The following ITGB3BP variants were observed in gnomAD, a reference collection of about 807,000 sequenced individuals.
The protein encoded by ITGB3BP is centromere protein R.
ITGB3BP carries 27 observed loss-of-function variants against 29.1 expected under a neutral mutation model. That is an observed-to-expected ratio of 0.93 (90% CI 0.68 to 1.28). The LOEUF is 1.28. Among genes scored for constraint, ITGB3BP ranks in the 50% most tolerant of loss-of-function variants. The pLI, the probability that ITGB3BP is intolerant of heterozygous loss-of-function variation, is 0.00. For missense variants in ITGB3BP, 192 were observed against 200.2 expected (o/e 0.96, Z 0.25); for synonymous variants, 61 against 61.4 (o/e 0.99, Z 0.03).
intron 1 of ITGB3BP, among the ~76,000 whole-genome samples, chr1:63,511,569 ATG>A (rs1471243170): frequency 6.6e-6 from 1 of 152,164 alleles, no homozygotes; most frequent in Non-Finnish European, 1.5e-5. Flanking sequence ...GATAAACAAA[ATG>A]TGATATATAT....
intron 4 of ITGB3BP, among the ~76,000 whole-genome samples, chr1:63,463,938 T>C (rs973739430): frequency 6.6e-6 from 1 of 152,148 alleles, no homozygotes; most frequent in Admixed American, 6.5e-5. Context: ...ACATATGGTG[T>C]GCCACCTTAT....
chr1:63,520,234 T>C (rs1306210220), intron 1 of ITGB3BP, among the ~76,000 whole-genome samples: 1 of 152,176 alleles, frequency 6.6e-6, no homozygotes, highest in Non-Finnish European at 1.5e-5. Context: ...AATAAATACT[T>C]ATTGAGCAAC....
rs778923798 is a variant in ITGB3BP, at chr1:63,454,518, G to A, written c.334-45C>T. 5.7e-6 allele frequency: 5 copies of A among 879,508 alleles called. No homozygotes were observed. Among genetic ancestry groups the A allele is most frequent in the South Asian group, 3.3e-5 (2 of 60,298 alleles). 54.5% of individuals were successfully genotyped at this position (879,508 alleles called of 1,614,324 possible). A position where few individuals can be genotyped will look rare whatever the true frequency, so the allele number is the denominator to read the frequency against. On this transcript the variant is annotated intron_variant, in intron 5 of 8. Transcript: ENST00000271002. The surrounding 1 kb of genome is among the most constrained non-coding windows in gnomAD (Gnocchi z 4.1). ...AATGAGTTAAGTTCTCTACACACAT[G>A]AGATTACTGACATGTCTAGTGAAAA...
chr1:63,490,064 A>G lies in ITGB3BP; in HGVS notation c.184+19T>C. ...ACTAGAAAAACCTTACAATAAGTAG[A>G]AAAGAATGTTCAACTAACCATTTGA... On this transcript the variant is annotated intron_variant, in intron 3 of 8. Transcript: ENST00000271002. 1 of 1,603,354 alleles carries G rather than the reference A, an allele frequency of 6.2e-7. No individual in the cohort carries two copies. Among genetic ancestry groups the G allele is most frequent in the South Asian group, 1.1e-5 (1 of 88,778 alleles).
At chr1:63,475,836 A>G (rs1304046368) in intron 4 of ITGB3BP, among the ~76,000 whole-genome samples, 4 of 151,834 alleles carry the variant, frequency 2.6e-5, no homozygotes, top group African/African-American at 7.2e-5. Context: ...GGTCTCTACT[A>G]AAAATACAAA....
intron 3 of ITGB3BP, among the ~76,000 whole-genome samples, chr1:63,483,242 C>T (rs1176443208): frequency 6.6e-6 from 1 of 151,988 alleles, no homozygotes; most frequent in African/African-American, 2.4e-5. Flanking sequence ...TATTTAAAAG[C>T]TGAAAAGTAT....
In ITGB3BP at chr1:63,493,678, AT is replaced by A. The variant is rs371463049; in HGVS notation, c.49-3461del. Among the ~76,000 whole-genome samples the A allele has an allele frequency of 1.2e-4, 18 of 152,238 alleles. No homozygotes were observed. In the South Asian group the frequency reaches 3.3e-3, roughly 28 times the overall value. On this transcript the variant is annotated intron_variant, in intron 2 of 8. Coordinates refer to ENST00000271002, the MANE Select transcript of ITGB3BP (RefSeq NM_014288.5). ...CTCAATAATTTCAAATAGATATGAT[AT>A]TTTCCTTTCCTTCCTTCAATTTCTT...
chr1:63,523,021 T>G lies in ITGB3BP; in HGVS notation c.5+108A>C, dbSNP rs1021575581. The G allele has an allele frequency of 5.9e-6, 8 of 1,347,460 alleles. No homozygotes were observed. In the African/African-American group the frequency reaches 1.1e-4, roughly 19 times the overall value. The allele number at this position is 1,347,460 out of a possible 1,614,324, so 83.5% of individuals were successfully genotyped here. A position where few individuals can be genotyped will look rare whatever the true frequency, so the allele number is the denominator to read the frequency against. ...TTGCCTGTGGACAGAGGAGACAAGTTCATACTCCGAAAAAATAGGAAAACG... is the reference window on the plus strand; with the variant it reads ...TTGCCTGTGGACAGAGGAGACAAGTGCATACTCCGAAAAAATAGGAAAACG... On this transcript the variant is annotated intron_variant, in intron 1 of 8. Coordinates refer to ENST00000271002, the MANE Select transcript of ITGB3BP (RefSeq NM_014288.5).
chr1:63,478,725 C>A (rs1412530787), intron 4 of ITGB3BP, 39 bp downstream of exon 4: 3 of 947,912 alleles, frequency 3.2e-6, no homozygotes, highest in Admixed American at 2.5e-5. Context: ...CGTCTTTCTG[C>A]AAGATACACA....
chr1:63,455,523 C>T (rs369718990), intron 4 of ITGB3BP, among the ~76,000 whole-genome samples: 1 of 152,008 alleles, frequency 6.6e-6, no homozygotes, highest in African/African-American at 2.4e-5. Context: ...TGGCTCACTG[C>T]AGCCTCAACC....
In ITGB3BP at chr1:63,523,118, G is replaced by C; in HGVS notation, c.5+11C>G. On this transcript the variant is annotated intron_variant, in intron 1 of 8. Transcript: ENST00000271002. ...CCCCAAAACAGCAATACCTGGGGAGGAGATACCTACGGCATTCTGAGATTC... is the reference window on the plus strand; with the variant it reads ...CCCCAAAACAGCAATACCTGGGGAGCAGATACCTACGGCATTCTGAGATTC... 6.2e-7 allele frequency: 1 copy of C among 1,614,118 alleles called. No homozygotes were observed. Among genetic ancestry groups the C allele is most frequent in the Non-Finnish European group, 8.5e-7 (1 of 1,179,968 alleles).
At chr1:63,444,571 A>G (rs1056425481) in intron 8 of ITGB3BP, among the ~76,000 whole-genome samples, 2 of 138,586 alleles carry the variant, frequency 1.4e-5, no homozygotes, top group Non-Finnish European at 3.1e-5. Flanking sequence ...AATCTATTAC[A>G]TAATAGGATA....
intron 1 of ITGB3BP, among the ~76,000 whole-genome samples, chr1:63,511,974 A>G (rs905041859): frequency 2.6e-5 from 4 of 152,106 alleles, no homozygotes; most frequent in Non-Finnish European, 5.9e-5. Context: ...TTAAAAATAG[A>G]TAATTTTTTT....
At chr1:63,528,602 T>C (rs1376559956) in intron 2 of ITGB3BP, among the ~76,000 whole-genome samples, 1 of 152,106 alleles carries the variant, frequency 6.6e-6, no homozygotes. Context: ...GGATAAATGC[T>C]TGAGGCAACA....
At chr1:63,522,885 C>G (rs1646488735) in intron 1 of ITGB3BP, 2 of 683,338 alleles carry the variant, frequency 2.9e-6, no homozygotes, top group African/African-American at 1.8e-5. Flanking sequence ...TAAATACAGC[C>G]CACAGTTTAC....
chr1:63,521,639 C>T (rs1646448801), intron 1 of ITGB3BP, among the ~76,000 whole-genome samples: 1 of 152,060 alleles, frequency 6.6e-6, no homozygotes, highest in African/African-American at 2.4e-5. Context: ...CAAGACCAGG[C>T]TGGGCAACAC....
At chr1:63,446,209 C>G (rs538416793) in intron 8 of ITGB3BP, among the ~76,000 whole-genome samples, 2 of 152,200 alleles carry the variant, frequency 1.3e-5, no homozygotes, top group Admixed American at 1.3e-4. Context: ...AATGTCAGTT[C>G]TTAATGTGAA....
intron 2 of ITGB3BP, among the ~76,000 whole-genome samples, chr1:63,502,960 G>A (rs1252705117): frequency 6.6e-6 from 1 of 152,112 alleles, no homozygotes; most frequent in Non-Finnish European, 1.5e-5. Context: ...TGTGAATAGT[G>A]CTGCAATAAA....
At chr1:63,472,330 G>A (rs545781622) in intron 4 of ITGB3BP, among the ~76,000 whole-genome samples, 5 of 150,116 alleles carry the variant, frequency 3.3e-5, no homozygotes, top group East Asian at 2.0e-4. Flanking sequence ...GCCTTGCTTC[G>A]TCTCTGGTAT....
Sources: allele counts gnomAD v4.1 joint callset (sites outside exome capture counted in the v4.1 genomes callset), GRCh38; gene constraint gnomAD v4.1.1; non-coding constraint Gnocchi (gnomAD v3.1); transcripts MANE v1.5; gene names NCBI Gene and HGNC (gene_info 2026-07-23, HGNC 2026-07-21).